The following LRRC37A3 variants were observed in gnomAD, a reference collection of about 807,000 sequenced individuals.
LRRC37A3 encodes the protein leucine-rich repeat-containing protein 37A3.
A neutral mutation model predicts 106.2 loss-of-function variants in LRRC37A3; 25 were observed. That is an observed-to-expected ratio of 0.24 (90% CI 0.17 to 0.33). LRRC37A3 has a LOEUF of 0.33. LRRC37A3 is among the 10% of genes least tolerant of loss of function. The probability of loss-of-function intolerance (pLI) is 1.00; values close to 1 mark genes in which losing one functional copy is unlikely to be tolerated. For synonymous variants in LRRC37A3, 305 were observed against 635.8 expected, an observed-to-expected ratio of 0.48 and a Z score of 7.83; for missense variants, 712 against 1,644.9, an observed-to-expected ratio of 0.43 and a Z score of 9.81.
At chr17:64,880,390 T>C (rs2143503980) in intron 8 of LRRC37A3, among the ~76,000 whole-genome samples, 1 of 152,372 alleles carries the variant, frequency 6.6e-6, no homozygotes, top group South Asian at 2.1e-4. Context: ...CTCAAGCGAT[T>C]TGCCTGTCTT....
At position 64,858,810 on chromosome 17, in the gene LRRC37A3, G is replaced by A. The variant is rs151149890; in HGVS notation, c.4778C>T (p.Thr1593Met). The A allele has an allele frequency of 2.6e-3, 4,166 of 1,612,280 alleles. 97 individuals are homozygous for A. In the African/African-American group the frequency reaches 0.048, roughly 19 times the overall value. The change falls in exon 13 of 15, where the codon ACG (threonine) becomes ATG (methionine). Residue 1593 changes from threonine to methionine, a missense_variant. Thr to Met is a moderately conservative substitution (Grantham distance 81, BLOSUM62 -1). Coordinates refer to ENST00000584306, the MANE Select transcript of LRRC37A3 (RefSeq NM_199340.5). ...GAGGCAGAGAAGTATAATCAAAATC[G>A]TTAGTATTCCAGTCACAATTAACGC... ...ILALIVTGIL[T>M]ILIILLCLIE... is the part of the protein sequence containing the mutation.
intron 8 of LRRC37A3, among the ~76,000 whole-genome samples, chr17:64,881,721 C>T (rs571487174): frequency 3.3e-5 from 5 of 150,850 alleles, no homozygotes; most frequent in South Asian, 4.2e-4. Context: ...TTCTGGGTAG[C>T]GTTTACAGCA....
At chr17:64,913,142 C>T (rs1974627023) in intron 2 of LRRC37A3, among the ~76,000 whole-genome samples, 1 of 151,582 alleles carries the variant, frequency 6.6e-6, no homozygotes. Flanking sequence ...AATTCTCTGG[C>T]CTCAGCCTCC....
chr17:64,910,100 C>T (rs1407968945), intron 2 of LRRC37A3: 2 of 152,294 alleles, frequency 1.3e-5, no homozygotes, highest in African/African-American at 2.4e-5. Flanking sequence ...ACTCATCATA[C>T]CTTAGTTTTT....
chr17:64,866,602 ATATATATATATATATATATATATATATTT>A (rs1973088403), intron 10 of LRRC37A3, among the ~76,000 whole-genome samples: 4 of 16,830 alleles, frequency 2.4e-4, no homozygotes, highest in African/African-American at 1.1e-3. Context: ...ATATATATAT[ATATATATATATATATATATATATATATTT>A]TTTTTTTTTT....
chr17:64,861,628 G>A (rs1972874926), intron 11 of LRRC37A3, among the ~76,000 whole-genome samples: 3 of 152,132 alleles, frequency 2.0e-5, no homozygotes, highest in Admixed American at 6.5e-5. Flanking sequence ...AGGGATTTGG[G>A]GTGTATGTTA....
chr17:64,917,741 C>T (rs1179174038), intron 2 of LRRC37A3, among the ~76,000 whole-genome samples: 2 of 152,092 alleles, frequency 1.3e-5, no homozygotes, highest in South Asian at 2.1e-4. Context: ...CCGAGGCCGG[C>T]GGATTACCTG....
In LRRC37A3 at chr17:64,868,519, A is replaced by G; in HGVS notation, c.2996T>C (p.Leu999Pro). ...GTTCTTAAGTGTTGTAAGTGGGACT[A>G]GCGTTGTTCCCATGTCTCTGAAGAA... is the stretch of plus-strand genomic sequence containing the variant. ...ALKYLDMGTT[L>P]VPLTTLKNIL... The change falls in exon 10 of 15, where the codon CTA becomes CCA. Residue 999 changes from leucine (L) to proline (P), a missense_variant. Physicochemically the swap from Leu to Pro is moderately conservative, Grantham distance 98. Coordinates refer to ENST00000584306, the MANE Select transcript of LRRC37A3 (RefSeq NM_199340.5). 1 of 1,610,236 alleles carries G rather than the reference A, an allele frequency of 6.2e-7. No individual in the cohort carries two copies. The highest frequency in any genetic ancestry group is 1.1e-5 in the South Asian group (1 of 90,026).
In LRRC37A3 at chr17:64,859,618, C is replaced by T; in HGVS notation, c.4528G>A (p.Val1510Met). The change falls in exon 12 of 15, where the codon GTG becomes ATG. Residue 1510 changes from valine to methionine, a missense_variant. By Grantham distance (21) the Val-to-Met change is conservative. Coordinates refer to ENST00000584306, the MANE Select transcript of LRRC37A3 (RefSeq NM_199340.5). ...ACGAGCTTGGCACAGGTCACTTGCA[C>T]ATGGGCCCCAGAGCAGTCCATCTTC... ...TLKMDCSGAHVQVTCAKLVSR... is the reference protein window; with the variant it reads ...TLKMDCSGAHMQVTCAKLVSR... 6.2e-7 allele frequency: 1 copy of T among 1,613,440 alleles called. No homozygotes were observed. Among genetic ancestry groups the T allele is most frequent in the Non-Finnish European group, 8.5e-7 (1 of 1,179,940 alleles).
chr17:64,862,508 A>G (rs1267834554), intron 11 of LRRC37A3, among the ~76,000 whole-genome samples: 3 of 151,898 alleles, frequency 2.0e-5, no homozygotes, highest in Non-Finnish European at 4.4e-5. Flanking sequence ...CATCTGTCCT[A>G]TAAGGCAGAG....
intron 13 of LRRC37A3, among the ~76,000 whole-genome samples, chr17:64,856,400 A>G (rs1210308584): frequency 1.4e-5 from 2 of 147,860 alleles, no homozygotes; most frequent in Non-Finnish European, 3.0e-5. Context: ...TTTAATTTTT[A>G]ATAAAGACAA....
intron 10 of LRRC37A3, among the ~76,000 whole-genome samples, chr17:64,867,368 G>C (rs914945404): frequency 6.6e-6 from 1 of 150,870 alleles, no homozygotes; most frequent in African/African-American, 2.4e-5. Context: ...CCTAATTTGT[G>C]CATTTTTAGT....
intron 2 of LRRC37A3, among the ~76,000 whole-genome samples, chr17:64,911,208 G>C (rs1408786996): frequency 6.8e-6 from 1 of 148,122 alleles, no homozygotes; most frequent in Non-Finnish European, 1.5e-5. Context: ...TACCATTTCT[G>C]CTGCTCTTTA....
intron 2 of LRRC37A3, among the ~76,000 whole-genome samples, chr17:64,914,974 G>C (rs1215101490): frequency 6.6e-6 from 1 of 151,796 alleles, no homozygotes; most frequent in Non-Finnish European, 1.5e-5. Context: ...GGTTACCGGG[G>C]GCTGGGAAGC....
intron 5 of LRRC37A3, among the ~76,000 whole-genome samples, chr17:64,890,787 G>A (rs901932038): frequency 1.4e-5 from 2 of 143,892 alleles, no homozygotes; most frequent in African/African-American, 2.9e-5. Context: ...AGCCAAGATC[G>A]CACCATTGCA....
chr17:64,862,806 T>C (rs1056812826), intron 11 of LRRC37A3, 94 bp downstream of exon 11: 8 of 1,311,484 alleles, frequency 6.1e-6, no homozygotes, highest in Admixed American at 5.2e-5. Context: ...AAAGCAATTA[T>C]GTCATTAGCT....
intron 13 of LRRC37A3, 65 bp downstream of exon 13, chr17:64,858,714 T>C: frequency 7.8e-7 from 1 of 1,285,906 alleles, no homozygotes; most frequent in Non-Finnish European, 1.1e-6. Context: ...TTTCAGTTTG[T>C]GAGCTCTGAA....
At chr17:64,856,070 A>C (rs1284589814) in intron 13 of LRRC37A3, among the ~76,000 whole-genome samples, 181 bp from the exon 14 acceptor site, 2 of 152,072 alleles carry the variant, frequency 1.3e-5, no homozygotes, top group African/African-American at 4.8e-5. Context: ...CATCCTTGCT[A>C]TCTTGCGGGG....
At chr17:64,875,453 A>T (rs1431622934) in intron 8 of LRRC37A3, among the ~76,000 whole-genome samples, 1 of 152,222 alleles carries the variant, frequency 6.6e-6, no homozygotes, top group Non-Finnish European at 1.5e-5. Context: ...TTGCTAGAAG[A>T]CCTGCCCTAT....
Sources: allele counts gnomAD v4.1 joint callset (sites outside exome capture counted in the v4.1 genomes callset), GRCh38; gene constraint gnomAD v4.1.1; transcripts MANE v1.5; gene names NCBI Gene and HGNC (gene_info 2026-07-23, HGNC 2026-07-21).